MAP3K3: variants seen among roughly 807,000 people sequenced by gnomAD.
The protein encoded by MAP3K3 is MAP/ERK kinase kinase 3.
A neutral mutation model predicts 80.9 loss-of-function variants in MAP3K3; 12 were observed. The ratio of observed to expected loss-of-function variants is 0.15; its 90% CI spans 0.10 to 0.24. MAP3K3 has a LOEUF of 0.24. MAP3K3 is among the 10% of genes least tolerant of loss of function. The pLI, the probability that MAP3K3 is intolerant of heterozygous loss-of-function variation, is 1.00. For synonymous variants in MAP3K3, 272 were observed against 307.1 expected (o/e 0.89, Z 1.19); for missense variants, 596 against 834.7 (o/e 0.71, Z 3.52).
At chr17:63,653,489 C>T (rs145096491) in intron 4 of MAP3K3, among the ~76,000 whole-genome samples, 1 of 152,104 alleles carries the variant, frequency 6.6e-6, no homozygotes, top group African/African-American at 2.4e-5. Flanking sequence ...TCATTTAGTA[C>T]TCTTTTCTTT....
rs139576613 is a variant in MAP3K3, at chr17:63,667,000, G to T, written c.442G>T (p.Ala148Ser). Residue 148 changes from alanine (A) to serine (S), a missense_variant, in exon 6 of 16, where the codon GCA (alanine) becomes TCA (serine). Coordinates refer to ENST00000361733, the MANE Select transcript of MAP3K3 (RefSeq NM_002401.5). ...GGTGCGGATCAAGGCTTCCCAGTCC[G>T]CAGGGGATATAAATACTATCTACCA... is the stretch of plus-strand genomic sequence containing the variant. ...RQVRIKASQS[A>S]GDINTIYQPP... 6.9e-5 allele frequency: 112 copies of T among 1,612,626 alleles called. No homozygotes were observed. Among genetic ancestry groups the T allele is most frequent in the Non-Finnish European group, 8.4e-5 (99 of 1,179,692 alleles).
At chr17:63,624,078 C>G (rs2034051193) in intron 1 of MAP3K3, among the ~76,000 whole-genome samples, 1 of 152,096 alleles carries the variant, frequency 6.6e-6, no homozygotes, top group Non-Finnish European at 1.5e-5. Flanking sequence ...CTCATGCTTT[C>G]CTTCAGAAGT....
At position 63,688,536 on chromosome 17, in the gene MAP3K3, C is replaced by G; in HGVS notation, c.720C>G (p.Phe240Leu). The G allele has an allele frequency of 6.2e-7, 1 of 1,614,056 alleles. No homozygotes were observed. The highest frequency in any genetic ancestry group is 1.3e-5 in the African/African-American group (1 of 75,030). Residue 240 changes from phenylalanine (F) to leucine (L), a missense_variant, in exon 9 of 16, where the codon TTC becomes TTG. This residue lies in a region of MAP3K3 where 364 missense variants were observed against 588.9 expected (regional missense o/e 0.62). Coordinates refer to ENST00000361733, the MANE Select transcript of MAP3K3 (RefSeq NM_002401.5). ...TTTTTGTTTTCTCCAGCCCATCCTT[C>G]CGGAAATCACGAATGTCCCGTGCCC... ...SLDRSADSPS[F>L]RKSRMSRAQS...
At position 63,676,750 on chromosome 17, in the gene MAP3K3, G is replaced by A. The variant is rs145559586; in HGVS notation, c.503-5016G>A. Among the ~76,000 whole-genome samples, 9 of 152,276 alleles carry A rather than the reference G, an allele frequency of 5.9e-5. No homozygotes were observed. In the East Asian group the frequency reaches 1.2e-3, roughly 20 times the overall value. ...CCTCTTCTGTAATCAGGAAGCCACC[G>A]GTCCAGAAGTCCAGTGCCCCTCAGG... On this transcript the variant is annotated intron_variant, in intron 6 of 15. Transcript: ENST00000361733.
At position 63,693,482 on chromosome 17, in the gene MAP3K3, A is replaced by G. The variant is rs949402707; in HGVS notation, c.1653-67A>G. 7 of 1,385,638 alleles carry G rather than the reference A, an allele frequency of 5.1e-6. No homozygotes were observed. Among genetic ancestry groups the G allele is most frequent in the African/African-American group, 2.9e-5 (2 of 67,972 alleles). 85.8% of individuals were successfully genotyped at this position (1,385,638 alleles called of 1,614,324 possible). ...CTGTGAGAAAGGCGCCTCTTTCTGC[A>G]GTGGTGGGCAGGACAGCTGGGAGTC... is the stretch of plus-strand genomic sequence containing the variant. On this transcript the variant is annotated intron_variant, in intron 15 of 15. Coordinates refer to ENST00000361733, the MANE Select transcript of MAP3K3 (RefSeq NM_002401.5). The surrounding 1 kb of genome is among the most constrained non-coding windows in gnomAD (Gnocchi z 4.2).
chr17:63,636,916 T>C, intron 2 of MAP3K3: 1 of 505,404 alleles, frequency 2.0e-6, no homozygotes, highest in Non-Finnish European at 3.7e-6. Flanking sequence ...ATTGGAGGCC[T>C]GTATGCGCTT....
In MAP3K3 at chr17:63,693,682, G is replaced by A. The variant is rs776910307; in HGVS notation, c.1786G>A (p.Gly596Ser). ...GCTGCCCTCCCACATCTCTGAACAT[G>A]GCCGGGACTTCCTGAGGCGCATTTT... ...PQLPSHISEH[G>S]RDFLRRIFVE... Residue 596 changes from glycine (G) to serine (S), a missense_variant, in exon 16 of 16, where the codon GGC becomes AGC. Transcript: ENST00000361733. The surrounding 1 kb of genome is among the most constrained non-coding windows in gnomAD (Gnocchi z 4.2). The A allele has an allele frequency of 6.2e-7, 1 of 1,608,276 alleles. No individual in the cohort carries two copies. Among genetic ancestry groups the A allele is most frequent in the Admixed American group, 1.7e-5 (1 of 58,666 alleles).
chr17:63,671,599 T>C (rs113061405), intron 6 of MAP3K3, among the ~76,000 whole-genome samples: 46 of 152,208 alleles, frequency 3.0e-4, no homozygotes, highest in African/African-American at 1.1e-3. Context: ...CACTCAATTC[T>C]CTCACAAGGG....
chr17:63,688,615 G>T, intron 9 of MAP3K3, 21 bp downstream of exon 9: 2 of 1,611,864 alleles, frequency 1.2e-6, no homozygotes, highest in Middle Eastern at 1.7e-4. Context: ...CAGAGCCTGG[G>T]TGGGTAATGC....
chr17:63,654,717 A>C (rs2034728790), intron 4 of MAP3K3, among the ~76,000 whole-genome samples: 1 of 152,302 alleles, frequency 6.6e-6, no homozygotes, highest in African/African-American at 2.4e-5. Context: ...TGCTGTAAAA[A>C]ACTGCCCGAG....
Position 63,689,150 on chromosome 17 carries a change from C to T in MAP3K3, c.871+269C>T. 1.8e-6 allele frequency: 1 copy of T among 566,742 alleles called. No individual in the cohort carries two copies. Among genetic ancestry groups the T allele is most frequent in the Non-Finnish European group, 3.1e-6 (1 of 318,542 alleles). The allele number at this position is 566,742 out of a possible 1,614,324, so 35.1% of individuals were successfully genotyped here. A position where few individuals can be genotyped will look rare whatever the true frequency, so the allele number is the denominator to read the frequency against. On this transcript the variant is annotated intron_variant, in intron 10 of 15. Coordinates refer to ENST00000361733, the MANE Select transcript of MAP3K3 (RefSeq NM_002401.5). This position sits in a 1 kb window ranked among gnomAD's most constrained non-coding sequence, Gnocchi z 4.3. ...ACCATCTCTCCCATGTCCTCTTCTGCCCCACAGCAGCAGGTGGCCTGGGCC... is the reference window on the plus strand; with the variant it reads ...ACCATCTCTCCCATGTCCTCTTCTGTCCCACAGCAGCAGGTGGCCTGGGCC...
intron 6 of MAP3K3, among the ~76,000 whole-genome samples, chr17:63,678,500 G>T (rs1161823325): frequency 6.6e-6 from 1 of 152,218 alleles, no homozygotes; most frequent in African/African-American, 2.4e-5. Context: ...CCTGTTTTCA[G>T]AGCAATTTTG....
rs932461938 is a variant in MAP3K3, at chr17:63,692,531, C to T, written c.1652+112C>T. ...TGGCAGGAGGGAGTGTGCCCAGGGCCCAGGCTGCAGTGTGTGCAAGGGTAT... is the reference window on the plus strand; with the variant it reads ...TGGCAGGAGGGAGTGTGCCCAGGGCTCAGGCTGCAGTGTGTGCAAGGGTAT... On this transcript the variant is annotated intron_variant, in intron 15 of 15. Coordinates refer to ENST00000361733, the MANE Select transcript of MAP3K3 (RefSeq NM_002401.5). This position sits in a 1 kb window ranked among gnomAD's most constrained non-coding sequence, Gnocchi z 4.5. The T allele has an allele frequency of 8.6e-7, 1 of 1,157,896 alleles. No individual in the cohort carries two copies. Among genetic ancestry groups the T allele is most frequent in the East Asian group, 2.6e-5 (1 of 38,776 alleles). 71.7% of individuals were successfully genotyped at this position (1,157,896 alleles called of 1,614,324 possible).
At position 63,693,252 on chromosome 17, in the gene MAP3K3, C is replaced by CT. The variant is rs1410055500; in HGVS notation, c.1653-296dup. On this transcript the variant is annotated intron_variant, in intron 15 of 15. Transcript: ENST00000361733. This position sits in a 1 kb window ranked among gnomAD's most constrained non-coding sequence, Gnocchi z 4.2. ...ATACATTTGTGTTGTTTTCCTGCCT[C>CT]TAAGTTTGTGGTCATTTGTTAAGAG... Among the ~76,000 whole-genome samples the CT allele has an allele frequency of 2.6e-5, 4 of 152,312 alleles. No homozygotes were observed. Among genetic ancestry groups the CT allele is most frequent in the Admixed American group, 6.5e-5 (1 of 15,306 alleles).
At chr17:63,671,595 A>G (rs529843441) in intron 6 of MAP3K3, among the ~76,000 whole-genome samples, 10 of 152,106 alleles carry the variant, frequency 6.6e-5, no homozygotes, top group South Asian at 2.1e-4. Flanking sequence ...ATGACACTCA[A>G]TTCTCTCACA....
intron 2 of MAP3K3, among the ~76,000 whole-genome samples, chr17:63,635,312 TAATG>T (rs779300271): frequency 5.3e-5 from 8 of 152,352 alleles, no homozygotes; most frequent in Non-Finnish European, 1.0e-4. Flanking sequence ...GATAAGCTAA[TAATG>T]GGAATCCTAC....
At position 63,671,444 on chromosome 17, in the gene MAP3K3, C is replaced by T. The variant is rs537013723; in HGVS notation, c.502+4384C>T. On this transcript the variant is annotated intron_variant, in intron 6 of 15. Transcript: ENST00000361733. ...CTAAATTTTGTATTTTTAGTAGAGACGGGGTTTCACCACGTTGGCCAGGAT... is the reference window on the plus strand; with the variant it reads ...CTAAATTTTGTATTTTTAGTAGAGATGGGGTTTCACCACGTTGGCCAGGAT... Among the ~76,000 whole-genome samples the T allele has an allele frequency of 4.7e-4, 72 of 151,970 alleles. No homozygotes were observed. The South Asian group carries it at 0.014, about 29-fold the overall frequency.
chr17:63,643,100 C>T (rs1598073006), intron 2 of MAP3K3, among the ~76,000 whole-genome samples: 1 of 149,824 alleles, frequency 6.7e-6, no homozygotes, highest in Non-Finnish European at 1.5e-5. Context: ...TAAACAAAAA[C>T]AAAAACCTGA....
At chr17:63,670,586 CAAAAAAA>C (rs756058538) in intron 6 of MAP3K3, among the ~76,000 whole-genome samples, 3 of 79,942 alleles carry the variant, frequency 3.8e-5, no homozygotes, top group Non-Finnish European at 4.9e-5. Flanking sequence ...GACTCTGTCT[CAAAAAAA>C]AAAAAAAAAA....
Sources: gnomAD v4.1 joint callset for allele counts (sites outside exome capture counted in the v4.1 genomes callset) on GRCh38, gnomAD v4.1.1 for gene constraint, gnomAD v4.1.1 regional missense constraint, Gnocchi (gnomAD v3.1) non-coding constraint, MANE v1.5 for transcripts, NCBI Gene and HGNC (gene_info 2026-07-23, HGNC 2026-07-21) for gene names.